MICAL3: variants seen among roughly 807,000 people sequenced by gnomAD.
The protein encoded by MICAL3 is microtubule associated monooxygenase, calponin and LIM domain containing 3, also known as [F-actin]-monooxygenase MICAL3.
In MICAL3, 62 loss-of-function variants were observed where a neutral mutation model predicts 207.4. That is an observed-to-expected ratio of 0.30 (90% CI 0.24 to 0.37). The LOEUF (loss-of-function observed/expected upper bound fraction) is 0.37, where lower values mean the gene tolerates loss of function less well. Ranked by LOEUF, MICAL3 falls within the 10% of genes least tolerant of loss-of-function variation. MICAL3 has a pLI of 1.00. For synonymous variants in MICAL3, 1,077 were observed against 1,069.3 expected (o/e 1.01, Z -0.14); for missense variants, 2,368 against 2,635.6 (o/e 0.90, Z 2.22).
At chr22:17,823,165 C>A (rs781222447) in intron 22 of MICAL3, 105 bp from the exon 23 acceptor site, 6 of 749,992 alleles carry the variant, frequency 8.0e-6, no homozygotes, top group Non-Finnish European at 1.4e-5. Context: ...CGCTGCCATG[C>A]AGGCCCCAGG....
chr22:17,896,965 T>C lies in MICAL3; in HGVS notation c.965A>G (p.Glu322Gly), dbSNP rs367649820. The C allele has an allele frequency of 6.2e-7, 1 of 1,613,302 alleles. No homozygotes were observed. Among genetic ancestry groups the C allele is most frequent in the Non-Finnish European group, 8.5e-7 (1 of 1,179,714 alleles). Reference protein sequence around the residue: ...GVILHDYADTELLLSRENVDQ... With the variant: ...GVILHDYADTGLLLSRENVDQ... Reference sequence around the variant, plus strand: ...CACGTTTTCTCGGGAAAGCAGGAGCTCTGTGTCGGCGTAGTCCTGTCTCCA... The same window carrying C: ...CACGTTTTCTCGGGAAAGCAGGAGCCCTGTGTCGGCGTAGTCCTGTCTCCA... Residue 322 changes from glutamate (E) to glycine (G), a missense_variant, in exon 8 of 32, where the codon GAG becomes GGG. Physicochemically the swap from Glu to Gly is moderately conservative, Grantham distance 98 (BLOSUM62 -2). Transcript: ENST00000441493.
At chr22:18,004,048 A>G (rs1014745308) in intron 1 of MICAL3, among the ~76,000 whole-genome samples, 1 of 152,072 alleles carries the variant, frequency 6.6e-6, no homozygotes, top group Non-Finnish European at 1.5e-5. Flanking sequence ...GATTACAGGC[A>G]TGAGCCACTG....
chr22:17,831,799 A>C, intron 21 of MICAL3, 55 bp downstream of exon 21: 1 of 1,528,610 alleles, frequency 6.5e-7, no homozygotes, highest in Non-Finnish European at 8.8e-7. Flanking sequence ...CTCACGCATG[A>C]AACAGATCAC....
chr22:17,988,298 C>T (rs553921056), intron 1 of MICAL3, among the ~76,000 whole-genome samples: 1 of 152,310 alleles, frequency 6.6e-6, no homozygotes, highest in South Asian at 2.1e-4. Context: ...TATCTGGCAT[C>T]AGGTCCCTTC....
Position 17,891,487 on chromosome 22 carries a change from C to G in MICAL3, c.1692G>C (p.Leu564=), listed in dbSNP as rs771625485. 6.2e-7 allele frequency: 1 copy of G among 1,613,796 alleles called. No homozygotes were observed. Among genetic ancestry groups the G allele is most frequent in the Non-Finnish European group, 8.5e-7 (1 of 1,179,732 alleles). ...CACAAAGTTTGATCACAACTTACAT[C>G]AGGTCAGGGCGGTATCTATGGATAA... ...CAIIHRYRPD[L]IDFDSLDEQN... The change falls in exon 12 of 32, where the codon CTG becomes CTC. Residue 564 remains leucine (L), a splice_region_variant and synonymous_variant. Coordinates refer to ENST00000441493, the MANE Select transcript of MICAL3 (RefSeq NM_015241.3).
intron 1 of MICAL3, among the ~76,000 whole-genome samples, chr22:17,943,313 C>T (rs1333343979): frequency 6.6e-6 from 1 of 152,172 alleles, no homozygotes; most frequent in Non-Finnish European, 1.5e-5. Flanking sequence ...CAGGCAACTG[C>T]CATCATGCCT....
At chr22:17,864,584 C>A in intron 19 of MICAL3, 2 of 1,481,084 alleles carry the variant, frequency 1.4e-6, no homozygotes, top group Non-Finnish European at 1.8e-6. Context: ...GGGCCGCCCT[C>A]AGGTGTGATG....
chr22:17,998,075 G>GTGAA (rs71184756), intron 1 of MICAL3, among the ~76,000 whole-genome samples: 25,095 of 152,178 alleles, frequency 0.16, 2,489 homozygotes, highest in Middle Eastern at 0.26. Context: ...GCCAAGGAGG[G>GTGAA]TGAATCACCT....
At chr22:17,815,290 G>T (rs2062092673) in intron 27 of MICAL3, 2 of 152,250 alleles carry the variant, frequency 1.3e-5, no homozygotes, top group African/African-American at 4.8e-5. Flanking sequence ...CAGGCAGTAG[G>T]TGCTTCATGG....
intron 1 of MICAL3, among the ~76,000 whole-genome samples, chr22:18,022,585 C>T (rs1924554985): frequency 1.3e-5 from 2 of 152,116 alleles, no homozygotes. Flanking sequence ...TGCACCACCA[C>T]ACCTGGTTAA....
chr22:17,801,862 C>T (rs1215030959), intron 29 of MICAL3, among the ~76,000 whole-genome samples: 1 of 152,102 alleles, frequency 6.6e-6, no homozygotes. Context: ...CCACTGCATT[C>T]CAGCCTGGGC....
At chr22:17,844,397 CAA>C (rs1250452862) in intron 19 of MICAL3, among the ~76,000 whole-genome samples, 4 of 152,202 alleles carry the variant, frequency 2.6e-5, no homozygotes, top group Non-Finnish European at 5.9e-5. Flanking sequence ...AGGTTGTGCA[CAA>C]AGTGTTTTCT....
intron 16 of MICAL3, among the ~76,000 whole-genome samples, chr22:17,878,359 G>A (rs903561025): frequency 6.6e-6 from 1 of 152,162 alleles, no homozygotes; most frequent in Non-Finnish European, 1.5e-5. Context: ...GAGCACCGTG[G>A]GGCGAGGCCA....
chr22:17,813,461 T>A (rs575749826), intron 27 of MICAL3: 1 of 152,190 alleles, frequency 6.6e-6, no homozygotes, highest in African/African-American at 2.4e-5. Flanking sequence ...AAGAATAAAT[T>A]TGCCTCCTTC....
chr22:17,804,089 C>T (rs1381002840), intron 29 of MICAL3, among the ~76,000 whole-genome samples: 16 of 152,146 alleles, frequency 1.1e-4, no homozygotes, highest in Admixed American at 9.2e-4. Context: ...GGGAGGAGGG[C>T]GGTAACTAAA....
At chr22:17,909,923 C>T (rs971980730) in intron 1 of MICAL3, among the ~76,000 whole-genome samples, 1 of 152,192 alleles carries the variant, frequency 6.6e-6, no homozygotes, top group African/African-American at 2.4e-5. Flanking sequence ...TTCACTTGCT[C>T]TTTGACAAGC....
chr22:17,893,664 G>A (rs1930578332), intron 11 of MICAL3, 144 bp downstream of exon 11: 1 of 636,728 alleles, frequency 1.6e-6, no homozygotes, highest in African/African-American at 1.8e-5. Flanking sequence ...ATCCCCTGGA[G>A]GGCAAAATCA....
At chr22:17,955,927 C>T (rs551652741) in intron 1 of MICAL3, among the ~76,000 whole-genome samples, 18 of 152,336 alleles carry the variant, frequency 1.2e-4, no homozygotes, top group Admixed American at 3.3e-4. Flanking sequence ...GACTTGAATC[C>T]ACAGAGATTT....
intron 19 of MICAL3, among the ~76,000 whole-genome samples, chr22:17,843,570 T>C (rs972107551): frequency 6.6e-6 from 1 of 152,212 alleles, no homozygotes; most frequent in African/African-American, 2.4e-5. Flanking sequence ...AGAGCCGTCA[T>C]GGACACCGAG....
Sources: allele counts gnomAD v4.1 joint callset (sites outside exome capture counted in the v4.1 genomes callset), GRCh38; gene constraint gnomAD v4.1.1; transcripts MANE v1.5; gene names NCBI Gene and HGNC (gene_info 2026-07-23, HGNC 2026-07-21).